The following MROH7 variants were observed in gnomAD, a reference collection of about 807,000 sequenced individuals.
MROH7 encodes maestro heat-like repeat-containing protein family member 7.
A neutral mutation model predicts 129.2 loss-of-function variants in MROH7; 113 were observed. The ratio of observed to expected loss-of-function variants is 0.87; its 90% CI spans 0.75 to 1.02. The LOEUF (loss-of-function observed/expected upper bound fraction) is 1.02. Among genes scored for constraint, MROH7 ranks in the 50% least tolerant of loss-of-function variants. The pLI, the probability that MROH7 is intolerant of heterozygous loss-of-function variation, is 0.00. For missense variants in MROH7, 1,601 were observed against 1,671.3 expected (o/e 0.96, Z 0.73); for synonymous variants, 655 against 667.9 (o/e 0.98, Z 0.30).
chr1:54,654,097 G>A lies in MROH7; in HGVS notation c.1171G>A (p.Gly391Arg), dbSNP rs1644603701. The change falls in exon 3 of 24, where the codon GGA (glycine) becomes AGA (arginine). Residue 391 changes from glycine (G) to arginine (R), a missense_variant. By Grantham distance (125) the Gly-to-Arg change is moderately radical. Transcript: ENST00000421030. ...ASIKVGQFPLGFPISNPAGKD... is the reference protein window; with the variant it reads ...ASIKVGQFPLRFPISNPAGKD... The stretch of plus-strand genomic sequence containing the variant: ...CATTAAGGTGGGCCAGTTCCCGCTG[G>A]GATTCCCCATCTCCAACCCCGCAGG... 1 of 1,613,988 alleles carries A rather than the reference G, an allele frequency of 6.2e-7. No homozygotes were observed. Among genetic ancestry groups the A allele is most frequent in the Non-Finnish European group, 8.5e-7 (1 of 1,179,946 alleles).
At chr1:54,670,614 C>T (rs758773328) in intron 6 of MROH7, 38 bp downstream of exon 6, 2 of 1,576,368 alleles carry the variant, frequency 1.3e-6, no homozygotes, top group Non-Finnish European at 1.7e-6. Context: ...CAGCCCCTCT[C>T]CTCTCTTCCT....
intron 14 of MROH7, among the ~76,000 whole-genome samples, chr1:54,685,467 G>T (rs937184621): frequency 6.6e-6 from 1 of 152,244 alleles, no homozygotes; most frequent in African/African-American, 2.4e-5. Flanking sequence ...GCCCAGAGGC[G>T]CCAGGGAGTG....
chr1:54,659,078 G>GT (rs765860258), intron 3 of MROH7: 204 of 432,726 alleles, frequency 4.7e-4, no homozygotes, highest in Non-Finnish European at 7.9e-4. Flanking sequence ...ACTGTGTGTG[G>GT]TTTTTTTGTT....
At chr1:54,656,433 C>T (rs1644646587) in intron 3 of MROH7, among the ~76,000 whole-genome samples, 1 of 149,296 alleles carries the variant, frequency 6.7e-6, no homozygotes, top group African/African-American at 2.5e-5. Flanking sequence ...TCACTTGAAC[C>T]CTGGAGATGG....
chr1:54,702,365 C>T (rs1645454460), intron 20 of MROH7, 120 bp downstream of exon 20: 2 of 971,100 alleles, frequency 2.1e-6, no homozygotes, highest in South Asian at 2.9e-5. Context: ...TATGTCCAGC[C>T]ATGTCTGTTT....
intron 1 of MROH7, among the ~76,000 whole-genome samples, chr1:54,647,461 TGG>T (rs1460848386): frequency 1.3e-5 from 2 of 151,692 alleles, no homozygotes; most frequent in East Asian, 3.9e-4. Context: ...AAAAAAAGGC[TGG>T]GCATGGTGGC....
chr1:54,645,651 C>CTTTTTTTTTTTTTTTTTTT (rs780480424), intron 1 of MROH7, among the ~76,000 whole-genome samples: 1 of 110,226 alleles, frequency 9.1e-6, no homozygotes, highest in Non-Finnish European at 1.8e-5. Context: ...TTCTTTCTTT[C>CTTTTTTTTTTTTTTTTTTT]TTTCTTTTTT....
chr1:54,691,803 A>AAAGTGTGT (rs778263944), intron 15 of MROH7, among the ~76,000 whole-genome samples: 30 of 104,188 alleles, frequency 2.9e-4, no homozygotes, highest in African/African-American at 9.8e-4. Flanking sequence ...AAAAAAAAAA[A>AAAGTGTGT]GTGTGTGTGT....
Position 54,700,881 on chromosome 1 carries a change from G to A in MROH7, c.3106-262G>A, listed in dbSNP as rs74071892. Among the ~76,000 whole-genome samples the A allele has an allele frequency of 7.8e-3, 1,184 of 152,364 alleles. 21 individuals are homozygous for A. Among genetic ancestry groups the A allele is most frequent in the African/African-American group, 0.027 (1,129 of 41,586 alleles). ...TCAGAAAGCTAACTAACAACACAGC[G>A]TGTCATCTACCTAGAGCCAAGGAAG... On this transcript the variant is annotated intron_variant, in intron 18 of 23. Coordinates refer to ENST00000421030, the MANE Select transcript of MROH7 (RefSeq NM_001039464.4).
rs187307077 is a variant in MROH7 at position 54,665,102 on chromosome 1, G to A, written c.1232-65G>A. 4.6e-4 allele frequency: 586 copies of A among 1,261,154 alleles called. 4 individuals carry two copies. The African/African-American group carries it at 7.9e-3, about 17-fold the overall frequency. The allele number at this position is 1,261,154 out of a possible 1,614,324, so 78.1% of individuals were successfully genotyped here. ...GTGCCTAGAGGGGGAGGAGAGAGAT[G>A]GCATGATGGCATCCTAGGTACATCA... On this transcript the variant is annotated intron_variant, in intron 3 of 23. Transcript: ENST00000421030.
chr1:54,668,938 G>GGCCGGGCGCGGTGGC lies in MROH7; in HGVS notation c.1389+1_1389+2insGCCGGGCGCGGTGGC. The stretch of plus-strand genomic sequence containing the variant: ...GAAGACCATGATAAAGAAGATTATG[G>GGCCGGGCGCGGTGGC]TGGGGGAGCCACAGGCGGGTCTGTG... On this transcript the variant is annotated splice_donor_variant, in intron 5 of 23. Transcript: ENST00000421030. LOFTEE classifies it high-confidence loss of function. 6.2e-7 allele frequency: 1 copy of GGCCGGGCGCGGTGGC among 1,611,360 alleles called. No individual in the cohort carries two copies. The highest frequency in any genetic ancestry group is 8.5e-7 in the Non-Finnish European group (1 of 1,177,634).
At position 54,702,225 on chromosome 1, in the gene MROH7, G is replaced by A. The variant is rs755087371; in HGVS notation, c.3421G>A (p.Gly1141Ser). The change falls in exon 20 of 24, where the codon GGC (glycine) becomes AGC (serine). Residue 1141 changes from glycine to serine, a missense_variant. Gly to Ser is a moderately conservative substitution (Grantham distance 56, BLOSUM62 0). Transcript: ENST00000421030. ...LVPLLLTMQEGNSKVSQKCVK... is the reference protein window; with the variant it reads ...LVPLLLTMQESNSKVSQKCVK... ...GCCCCTACTGCTGACCATGCAGGAG[G>A]GCAACTCCAAGGTAAGCCAGGTGAG... is the stretch of plus-strand genomic sequence containing the variant. The A allele has an allele frequency of 1.9e-6, 3 of 1,564,656 alleles. No homozygotes were observed. The highest frequency in any genetic ancestry group is 1.4e-5 in the African/African-American group (1 of 73,782).
chr1:54,647,030 T>C (rs1470593344), intron 1 of MROH7, among the ~76,000 whole-genome samples: 3 of 152,262 alleles, frequency 2.0e-5, no homozygotes. Flanking sequence ...ATATTGTTTA[T>C]CCATTAATCA....
At chr1:54,648,336 T>TTATA (rs1553168655) in intron 1 of MROH7, among the ~76,000 whole-genome samples, 5 of 142,156 alleles carry the variant, frequency 3.5e-5, no homozygotes, top group Non-Finnish European at 7.6e-5. Flanking sequence ...TTGCATGCAA[T>TTATA]TTTATTTATT....
At chr1:54,690,665 G>A (rs1383548967) in intron 15 of MROH7, among the ~76,000 whole-genome samples, 1 of 152,052 alleles carries the variant, frequency 6.6e-6, no homozygotes, top group East Asian at 1.9e-4. Context: ...GGATGGTCTC[G>A]ATCTCCTGAC....
chr1:54,709,563 A>T (rs940384545), intron 23 of MROH7, among the ~76,000 whole-genome samples: 5 of 152,104 alleles, frequency 3.3e-5, no homozygotes, highest in Non-Finnish European at 5.9e-5. Context: ...ATTAAGTACC[A>T]CTGGGTTACC....
At chr1:54,689,706 C>A (rs1358171200) in intron 15 of MROH7, among the ~76,000 whole-genome samples, 3 of 152,220 alleles carry the variant, frequency 2.0e-5, no homozygotes, top group Non-Finnish European at 4.4e-5. Flanking sequence ...CTTTCAGCAG[C>A]CCTGGGCTTT....
At chr1:54,683,357 C>T (rs1023211369) in intron 14 of MROH7, among the ~76,000 whole-genome samples, 1 of 152,162 alleles carries the variant, frequency 6.6e-6, no homozygotes, top group Non-Finnish European at 1.5e-5. Context: ...TGCCACACTC[C>T]AAGCTTGACC....
intron 1 of MROH7, among the ~76,000 whole-genome samples, chr1:54,648,384 A>T (rs1644504317): frequency 7.8e-6 from 1 of 128,918 alleles, no homozygotes. Context: ...TTATTTTTTG[A>T]GACGGAGTTT....
Sources: gnomAD v4.1 joint callset for allele counts (sites outside exome capture counted in the v4.1 genomes callset) on GRCh38, gnomAD v4.1.1 for gene constraint, MANE v1.5 for transcripts, NCBI Gene and HGNC (gene_info 2026-07-23, HGNC 2026-07-21) for gene names.